SUGCT: variants seen among roughly 807,000 people sequenced by gnomAD.
SUGCT encodes succinyl-CoA:glutarate-CoA transferase.
SUGCT carries 41 observed loss-of-function variants against 55.0 expected under a neutral mutation model. That is an observed-to-expected ratio of 0.74 (90% CI 0.58 to 0.97). The LOEUF is 0.97. Ranked by LOEUF, SUGCT falls within the 50% of genes least tolerant of loss-of-function variation. SUGCT has a pLI of 0.00. For synonymous variants in SUGCT, 187 were observed against 200.4 expected (o/e 0.93, Z 0.56); for missense variants, 568 against 547.8 (o/e 1.04, Z -0.37).
intron 9 of SUGCT, among the ~76,000 whole-genome samples, chr7:40,330,357 T>C (rs1269580564): frequency 1.3e-5 from 2 of 152,162 alleles, no homozygotes; most frequent in Non-Finnish European, 2.9e-5. Context: ...AGTAATATCC[T>C]GAGGGAGAAG....
At chr7:40,483,192 C>G (rs749218690) in intron 11 of SUGCT, among the ~76,000 whole-genome samples, 1 of 152,002 alleles carries the variant, frequency 6.6e-6, no homozygotes, top group Non-Finnish European at 1.5e-5. Flanking sequence ...ATTGTAGACT[C>G]GAGGCTGGAT....
intron 1 of SUGCT, among the ~76,000 whole-genome samples, chr7:40,138,665 ATTTTT>A (rs11312476): frequency 2.6e-5 from 4 of 152,074 alleles, no homozygotes; most frequent in Admixed American, 2.0e-4. Context: ...ACATCCTGTG[ATTTTT>A]TTTGTCTTTT....
the SUGCT span, among the ~76,000 whole-genome samples, chr7:40,883,026 C>T: frequency 1.3e-5 from 2 of 152,156 alleles, no homozygotes; most frequent in African/African-American, 4.8e-5. Flanking sequence ...TGCCTTAGTC[C>T]TTGGCTCTGA....
chr7:40,756,104 A>C (rs73312215), intron 13 of SUGCT, among the ~76,000 whole-genome samples: 1 of 152,266 alleles, frequency 6.6e-6, no homozygotes, highest in Admixed American at 6.5e-5. Flanking sequence ...TATCGGACAC[A>C]TTATATTTCT....
At chr7:40,322,604 T>A (rs567830736) in intron 9 of SUGCT, among the ~76,000 whole-genome samples, 1 of 152,288 alleles carries the variant, frequency 6.6e-6, no homozygotes, top group Middle Eastern at 3.4e-3. Flanking sequence ...AGTGTTGCCC[T>A]CATGACAGGG....
At chr7:40,608,967 AT>A (rs1047097981) in intron 12 of SUGCT, among the ~76,000 whole-genome samples, 2 of 151,752 alleles carry the variant, frequency 1.3e-5, no homozygotes, top group African/African-American at 4.8e-5. Context: ...TGTCTTTCTG[AT>A]TTTTTTTGGT....
the SUGCT span, among the ~76,000 whole-genome samples, chr7:40,999,525 G>A: frequency 9.1e-4 from 139 of 152,270 alleles, no homozygotes; most frequent in Middle Eastern, 6.8e-3. Context: ...TGTTTGCAAA[G>A]CAAGTAAAAT....
intron 12 of SUGCT, among the ~76,000 whole-genome samples, chr7:40,720,281 G>A (rs1372304302): frequency 6.6e-6 from 1 of 152,124 alleles, no homozygotes; most frequent in Non-Finnish European, 1.5e-5. Flanking sequence ...CAAAAGGCAC[G>A]TAAATGTTAA....
At chr7:40,465,163 T>G (rs1185534128) in intron 11 of SUGCT, among the ~76,000 whole-genome samples, 1 of 152,216 alleles carries the variant, frequency 6.6e-6, no homozygotes, top group African/African-American at 2.4e-5. Context: ...TTGGAATGAT[T>G]TGGTTATTTC....
chr7:40,337,005 T>A (rs1049078602), intron 9 of SUGCT, among the ~76,000 whole-genome samples: 1 of 152,244 alleles, frequency 6.6e-6, no homozygotes, highest in Non-Finnish European at 1.5e-5. Flanking sequence ...TTTAATTATG[T>A]ACCCAGTAGT....
intron 13 of SUGCT, among the ~76,000 whole-genome samples, chr7:40,851,422 A>G (rs1793847497): frequency 6.6e-6 from 1 of 152,208 alleles, no homozygotes; most frequent in African/African-American, 2.4e-5. Context: ...ATTAAATAGT[A>G]GTTTTAGATG....
At chr7:40,883,508 T>C in the SUGCT span, among the ~76,000 whole-genome samples, 2 of 152,222 alleles carry the variant, frequency 1.3e-5, no homozygotes, top group Admixed American at 6.5e-5. Flanking sequence ...TTAGAAAAGT[T>C]TCTGATCCTC....
At position 40,856,648 on chromosome 7, in the gene SUGCT, A is replaced by C. The variant is rs1345320186; in HGVS notation, c.1154-3668A>C. ...AGGTTAGAATGCCATGTAGGAAGTC[A>C]AGAGCTCTTAACAGTATTGAGCAGA... On this transcript the variant is annotated intron_variant, in intron 13 of 13. Coordinates refer to ENST00000335693, the MANE Select transcript of SUGCT (RefSeq NM_001193313.2). 2.0e-5 allele frequency among the ~76,000 whole-genome samples: 3 copies of C among 152,090 alleles called. No individual in the cohort carries two copies. The East Asian group carries it at 5.8e-4, about 29-fold the overall frequency.
chr7:40,615,298 G>A (rs1170804770), intron 12 of SUGCT, among the ~76,000 whole-genome samples: 2 of 136,746 alleles, frequency 1.5e-5, no homozygotes, highest in East Asian at 3.9e-4. Flanking sequence ...AGATTAACAA[G>A]CAATTTTTTT....
intron 7 of SUGCT, among the ~76,000 whole-genome samples, chr7:40,249,848 G>A (rs549233632): frequency 2.6e-5 from 4 of 152,142 alleles, no homozygotes; most frequent in East Asian, 1.9e-4. Context: ...GTGCAGTGGC[G>A]CGATCTCGGC....
intron 9 of SUGCT, among the ~76,000 whole-genome samples, chr7:40,428,439 T>C (rs1787711988): frequency 6.6e-6 from 1 of 152,150 alleles, no homozygotes; most frequent in Non-Finnish European, 1.5e-5. Context: ...GGCTTGTAGC[T>C]TATCCCCGTG....
chr7:40,243,781 A>G (rs1282544137), intron 7 of SUGCT, among the ~76,000 whole-genome samples: 1 of 152,226 alleles, frequency 6.6e-6, no homozygotes, highest in Non-Finnish European at 1.5e-5. Flanking sequence ...TTTCCAGTGC[A>G]ATAAATGCTC....
intron 5 of SUGCT, among the ~76,000 whole-genome samples, chr7:40,194,628 A>G (rs1253697727): frequency 2.6e-5 from 4 of 152,000 alleles, no homozygotes; most frequent in Non-Finnish European, 5.9e-5. Context: ...CTTACATTCT[A>G]ATTTTTCTAC....
intron 12 of SUGCT, among the ~76,000 whole-genome samples, chr7:40,650,768 A>G (rs1800738205): frequency 6.6e-6 from 1 of 152,130 alleles, no homozygotes; most frequent in Non-Finnish European, 1.5e-5. Context: ...GGTTTGTTGC[A>G]CAGGTAAATG....
Sources: allele counts gnomAD v4.1 joint callset (sites outside exome capture counted in the v4.1 genomes callset), GRCh38; gene constraint gnomAD v4.1.1; transcripts MANE v1.5; gene names NCBI Gene and HGNC (gene_info 2026-07-23, HGNC 2026-07-21).